The following CEP192 variants were observed in gnomAD, a reference collection of about 807,000 sequenced individuals.
CEP192 encodes the protein centrosomal protein of 192 kDa.
CEP192 carries 151 observed loss-of-function variants against 271.8 expected under a neutral mutation model. That is an observed-to-expected ratio of 0.56 (90% CI 0.49 to 0.64). The LOEUF (loss-of-function observed/expected upper bound fraction) is 0.64, where lower values mean the gene tolerates loss of function less well. Ranked by LOEUF, CEP192 falls within the 30% of genes least tolerant of loss-of-function variation. CEP192 has a pLI of 0.00. For synonymous variants in CEP192, 995 were observed against 1,076.5 expected, an observed-to-expected ratio of 0.92 and a Z score of 1.48; for missense variants, 2,910 against 3,020.5, an observed-to-expected ratio of 0.96 and a Z score of 0.86.
At chr18:12,994,372 G>T (rs928089002) in intron 1 of CEP192, among the ~76,000 whole-genome samples, 1 of 151,982 alleles carries the variant, frequency 6.6e-6, no homozygotes, top group Non-Finnish European at 1.5e-5. Flanking sequence ...CTGTGGTAGG[G>T]GTGGGCTTTG....
chr18:13,074,318 T>C (rs904789157), intron 30 of CEP192, among the ~76,000 whole-genome samples: 1 of 152,150 alleles, frequency 6.6e-6, no homozygotes, highest in African/African-American at 2.4e-5. Context: ...TGTTTAAAGA[T>C]GTTAGTGGTC....
chr18:13,114,547 C>T (rs1282638438), intron 42 of CEP192, among the ~76,000 whole-genome samples: 1 of 151,960 alleles, frequency 6.6e-6, no homozygotes, highest in Non-Finnish European at 1.5e-5. Flanking sequence ...TTTAAAAATC[C>T]ATTCATGTTA....
intron 6 of CEP192, among the ~76,000 whole-genome samples, chr18:13,016,511 C>G (rs981533446): frequency 6.6e-6 from 1 of 152,144 alleles, no homozygotes; most frequent in Non-Finnish European, 1.5e-5. Flanking sequence ...AGTTTTCAGA[C>G]TTTTTTGGAT....
chr18:13,100,615 C>T, intron 38 of CEP192, 103 bp downstream of exon 38: 3 of 887,352 alleles, frequency 3.4e-6, no homozygotes, highest in Non-Finnish European at 5.1e-6. Context: ...TTTCCTCCTA[C>T]TTCAGGAGAA....
chr18:13,008,176 T>C (rs188820695), intron 3 of CEP192, among the ~76,000 whole-genome samples: 110 of 152,366 alleles, frequency 7.2e-4, no homozygotes, highest in Non-Finnish European at 1.3e-3. Flanking sequence ...GGATACTTAT[T>C]TTGGAAGTAA....
At chr18:13,001,359 C>T (rs980709498) in intron 2 of CEP192, 98 bp from the exon 3 acceptor site, 20 of 749,546 alleles carry the variant, frequency 2.7e-5, no homozygotes, top group African/African-American at 1.3e-4. Flanking sequence ...GTTTTTACCC[C>T]GGTGGTTGGT....
At chr18:13,018,141 C>T (rs1268494765) in intron 7 of CEP192, among the ~76,000 whole-genome samples, 1 of 152,166 alleles carries the variant, frequency 6.6e-6, no homozygotes, top group African/African-American at 2.4e-5. Context: ...GTTTATCTCT[C>T]CCACAATTGG....
In CEP192 at chr18:13,055,916, A is replaced by T; in HGVS notation, c.3326A>T (p.Gln1109Leu). The change falls in exon 19 of 45, where the codon CAG (glutamine) becomes CTG (leucine). Residue 1109 changes from glutamine (Q) to leucine (L), a missense_variant. Coordinates refer to ENST00000506447, the MANE Select transcript of CEP192 (RefSeq NM_032142.4). ...RGKGTLSSII[Q>L]NNSDTRKATE... is the part of the protein sequence containing the mutation. ...AAAGGAACATTATCATCTATTATCC[A>T]GAATAACTCTGATACAAGAAAAGCA... 1 of 1,614,146 alleles carries T rather than the reference A, an allele frequency of 6.2e-7. No homozygotes were observed. The highest frequency in any genetic ancestry group is 8.5e-7 in the Non-Finnish European group (1 of 1,179,996).
intron 4 of CEP192, among the ~76,000 whole-genome samples, chr18:13,011,727 T>G (rs1312380542): frequency 6.6e-6 from 1 of 152,140 alleles, no homozygotes; most frequent in Non-Finnish European, 1.5e-5. Context: ...TATACAAATA[T>G]TGGCTAGGCT....
Position 13,049,512 on chromosome 18 carries a change from T to C in CEP192, c.2721T>C (p.Tyr907=), listed in dbSNP as rs146959816. The change falls in exon 16 of 45, where the codon TAT becomes TAC. Residue 907 remains tyrosine, a synonymous_variant. Transcript: ENST00000506447. ...CAATTTCCACTCCATCTGATAGTTA[T>C]TCATCAGTGAGGAACCCCAGAATAA... The part of the protein sequence containing the change: ...ATSISTPSDS[Y]SSVRNPRITS... The C allele has an allele frequency of 1.4e-4, 228 of 1,614,102 alleles. 1 individual carries two copies. In the East Asian group the frequency reaches 4.4e-3, roughly 31 times the overall value.
intron 41 of CEP192, 136 bp downstream of exon 41, chr18:13,113,841 G>T: frequency 1.1e-6 from 1 of 899,908 alleles, no homozygotes; most frequent in South Asian, 1.8e-5. Context: ...TTTATTAATT[G>T]GCATGTTTGA....
At chr18:13,015,947 T>C (rs892807872) in intron 6 of CEP192, among the ~76,000 whole-genome samples, 1 of 152,136 alleles carries the variant, frequency 6.6e-6, no homozygotes, top group Non-Finnish European at 1.5e-5. Flanking sequence ...GGTTTCACCA[T>C]GTTGGCCAGG....
chr18:13,070,062 G>A (rs1430440148), intron 27 of CEP192, among the ~76,000 whole-genome samples: 7 of 152,096 alleles, frequency 4.6e-5, no homozygotes, highest in Non-Finnish European at 1.0e-4. Flanking sequence ...TCAGGAGGCT[G>A]AGGCAGGAGA....
Position 13,056,639 on chromosome 18 carries a change from C to A in CEP192, c.4049C>A (p.Pro1350Gln), listed in dbSNP as rs573527180. Residue 1350 changes from proline (P) to glutamine (Q), a missense_variant, in exon 19 of 45, where the codon CCG becomes CAG. By Grantham distance (76) the Pro-to-Gln change is moderately conservative. Coordinates refer to ENST00000506447, the MANE Select transcript of CEP192 (RefSeq NM_032142.4). ...AGCACAACAAAACCTTTTCCTGTGC[C>A]GTCTGTTGGTACAAACTGTGGAATT... ...LLSTTKPFPVPSVGTNCGIEP... is the reference protein window; with the variant it reads ...LLSTTKPFPVQSVGTNCGIEP... 6.2e-7 allele frequency: 1 copy of A among 1,613,692 alleles called. No homozygotes were observed. The highest frequency in any genetic ancestry group is 2.2e-5 in the East Asian group (1 of 44,890).
Position 13,056,088 on chromosome 18 carries a change from G to T in CEP192, c.3498G>T (p.Arg1166Ser), listed in dbSNP as rs779880895. 4 of 1,613,728 alleles carry T rather than the reference G, an allele frequency of 2.5e-6. No individual in the cohort carries two copies. Among genetic ancestry groups the T allele is most frequent in the Non-Finnish European group, 3.4e-6 (4 of 1,179,750 alleles). Residue 1166 changes from arginine to serine, a missense_variant, in exon 19 of 45, where the codon AGG becomes AGT. Coordinates refer to ENST00000506447, the MANE Select transcript of CEP192 (RefSeq NM_032142.4). ...ACCCTGAGGAATTGGACCCGATCAG[G>T]CTGGCTCTCCTGGGCAAGTCAGGTC... is the stretch of plus-strand genomic sequence containing the variant. ...TSNPEELDPI[R>S]LALLGKSGLS... is the part of the protein sequence containing the mutation.
intron 30 of CEP192, among the ~76,000 whole-genome samples, chr18:13,082,432 C>CTTTTTTTTTTTTTTTTTTTTTTTT (rs57663388): frequency 4.0e-5 from 2 of 49,918 alleles, no homozygotes; most frequent in Non-Finnish European, 7.1e-5. Flanking sequence ...GCAACCCCTG[C>CTTTTTTTTTTTTTTTTTTTTTTTT]TTTTTTTTTT....
chr18:13,122,076 G>A (rs1423803806), intron 44 of CEP192, among the ~76,000 whole-genome samples: 2 of 152,134 alleles, frequency 1.3e-5, no homozygotes, highest in Non-Finnish European at 2.9e-5. Context: ...GTCATCTGAG[G>A]TCAGGAGTTC....
intron 15 of CEP192, 25 bp from the exon 16 acceptor site, chr18:13,048,834 T>G (rs2036617430): frequency 6.8e-7 from 1 of 1,463,022 alleles, no homozygotes; most frequent in African/African-American, 1.4e-5. Flanking sequence ...TAAATTTATC[T>G]GATGTTTAAT....
chr18:13,119,114 A>G (rs2040556155), intron 44 of CEP192, among the ~76,000 whole-genome samples: 1 of 152,254 alleles, frequency 6.6e-6, no homozygotes. Context: ...ACTAAAATAC[A>G]TGGTAGCACA....
Sources: gnomAD v4.1 joint callset for allele counts (sites outside exome capture counted in the v4.1 genomes callset) on GRCh38, gnomAD v4.1.1 for gene constraint, MANE v1.5 for transcripts, NCBI Gene and HGNC (gene_info 2026-07-23, HGNC 2026-07-21) for gene names.